Variants in LRBA observed in about 807,000 individuals in gnomAD.
LRBA encodes the protein LPS responsive beige-like anchor protein.
LRBA carries 176 observed loss-of-function variants against 330.0 expected under a neutral mutation model. The observed-to-expected ratio is 0.53, with a 90% confidence interval of 0.47 to 0.60. The LOEUF is 0.60. Among genes scored for constraint, LRBA ranks in the 20% least tolerant of loss-of-function variants. The pLI is 0.00. For missense variants in LRBA, 3,259 were observed against 3,444.8 expected (o/e 0.95, Z 1.35); for synonymous variants, 1,230 against 1,193.0 (o/e 1.03, Z -0.64).
intron 40 of LRBA, among the ~76,000 whole-genome samples, chr4:150,574,538 G>A (rs1770288361): frequency 6.6e-6 from 1 of 152,020 alleles, no homozygotes; most frequent in South Asian, 2.1e-4. Flanking sequence ...AGGTAACCAA[G>A]CCAGGACAAA....
chr4:150,935,464 A>C (rs1430926572), intron 2 of LRBA, among the ~76,000 whole-genome samples: 1 of 152,064 alleles, frequency 6.6e-6, no homozygotes, highest in Non-Finnish European at 1.5e-5. Context: ...AAGTAAAGAA[A>C]TTTTTTTCCA....
chr4:150,567,502 G>A (rs1421805474), intron 40 of LRBA, among the ~76,000 whole-genome samples: 7 of 152,002 alleles, frequency 4.6e-5, no homozygotes, highest in Non-Finnish European at 7.4e-5. Flanking sequence ...AAATCTGATG[G>A]CTTTAAAATA....
chr4:150,576,251 A>T (rs28660483), intron 40 of LRBA, among the ~76,000 whole-genome samples: 10 of 151,696 alleles, frequency 6.6e-5, no homozygotes, highest in African/African-American at 2.4e-4. Flanking sequence ...TTTTGCTTCA[A>T]CTTTTCAGAA....
At chr4:150,885,200 CA>C (rs34720483) in intron 17 of LRBA, among the ~76,000 whole-genome samples, 84,520 of 114,432 alleles carry the variant, frequency 0.74, 32,627 homozygotes, top group Non-Finnish European at 0.89. Flanking sequence ...ACAAGAGTTC[CA>C]AAAAAAAAAA....
At chr4:150,784,631 C>T (rs1279606586) in intron 34 of LRBA, among the ~76,000 whole-genome samples, 1 of 152,240 alleles carries the variant, frequency 6.6e-6, no homozygotes, top group Admixed American at 6.5e-5. Context: ...ATATACCTGA[C>T]TGGTATCCAC....
intron 37 of LRBA, among the ~76,000 whole-genome samples, chr4:150,677,822 GAAAAAGAA>G (rs1423535161): frequency 6.0e-5 from 3 of 50,142 alleles, no homozygotes; most frequent in Admixed American, 4.3e-4. Context: ...AAAAGAAAAA[GAAAAAGAA>G]AAAAGAAAAG....
intron 44 of LRBA, among the ~76,000 whole-genome samples, chr4:150,459,194 G>C (rs567330671): frequency 6.6e-6 from 1 of 151,770 alleles, no homozygotes; most frequent in Non-Finnish European, 1.5e-5. Flanking sequence ...GGGCTTTCAC[G>C]ACTTGGTACT....
chr4:150,701,954 T>C (rs954800401), intron 36 of LRBA, among the ~76,000 whole-genome samples: 4 of 152,198 alleles, frequency 2.6e-5, no homozygotes, highest in Non-Finnish European at 5.9e-5. Context: ...AAGTTGTCCT[T>C]GACTTTGACC....
intron 53 of LRBA, among the ~76,000 whole-genome samples, chr4:150,288,793 CTT>C (rs1216797652): frequency 2.8e-4 from 29 of 104,030 alleles, no homozygotes; most frequent in South Asian, 1.2e-3. Flanking sequence ...TGTGATTGTT[CTT>C]TTTTTTTTTT....
At chr4:150,831,110 C>T (rs1259348080) in intron 29 of LRBA, among the ~76,000 whole-genome samples, 2 of 151,952 alleles carry the variant, frequency 1.3e-5, no homozygotes, top group African/African-American at 4.8e-5. Context: ...GTACTCAAGA[C>T]CCTCCAATGA....
At chr4:150,485,365 A>G (rs1757749440) in intron 42 of LRBA, among the ~76,000 whole-genome samples, 1 of 151,980 alleles carries the variant, frequency 6.6e-6, no homozygotes, top group African/African-American at 2.4e-5. Flanking sequence ...TCCTCTGATA[A>G]TATAATGCTT....
At chr4:150,727,937 T>C (rs1729922491) in intron 36 of LRBA, among the ~76,000 whole-genome samples, 1 of 152,078 alleles carries the variant, frequency 6.6e-6, no homozygotes, top group Admixed American at 6.6e-5. Flanking sequence ...AGTTGGCTTC[T>C]TGAAAAGATA....
intron 35 of LRBA, among the ~76,000 whole-genome samples, chr4:150,754,251 GAATAAAATA>G (rs574293646): frequency 3.1e-3 from 476 of 151,810 alleles, no homozygotes; most frequent in Non-Finnish European, 5.1e-3. Context: ...CAAAACATAT[GAATAAAATA>G]AATAAGAAAC....
intron 2 of LRBA, chr4:151,012,667 A>C (rs965533914): frequency 2.6e-5 from 4 of 152,218 alleles, no homozygotes; most frequent in African/African-American, 9.6e-5. Context: ...ATTTTTGCAT[A>C]TATTTGAACA....
At chr4:151,008,824 T>C (rs1471711374) in intron 2 of LRBA, among the ~76,000 whole-genome samples, 1 of 150,168 alleles carries the variant, frequency 6.7e-6, no homozygotes, top group Non-Finnish European at 1.5e-5. Flanking sequence ...AATACAAAAA[T>C]TAGCCGGGCT....
At chr4:150,410,052 A>C (rs1746743861) in intron 47 of LRBA, among the ~76,000 whole-genome samples, 1 of 152,136 alleles carries the variant, frequency 6.6e-6, no homozygotes, top group Admixed American at 6.5e-5. Flanking sequence ...TAACAACAAA[A>C]AAAACAATTT....
intron 42 of LRBA, among the ~76,000 whole-genome samples, chr4:150,482,905 A>G (rs568975757): frequency 2.0e-5 from 3 of 152,102 alleles, no homozygotes; most frequent in Middle Eastern, 3.4e-3. Flanking sequence ...TTTCCTACAT[A>G]TCCTGGATGT....
intron 40 of LRBA, among the ~76,000 whole-genome samples, chr4:150,551,957 T>TG (rs746126479): frequency 2.0e-5 from 3 of 151,728 alleles, no homozygotes; most frequent in African/African-American, 7.3e-5. Flanking sequence ...CAAAGTGGGG[T>TG]GGGGGGTAGG....
intron 38 of LRBA, among the ~76,000 whole-genome samples, chr4:150,598,255 C>T (rs1773721305): frequency 1.3e-5 from 2 of 151,948 alleles, no homozygotes; most frequent in South Asian, 4.2e-4. Context: ...AGCATTTCCC[C>T]CTTAACCAAT....
Sources: gnomAD v4.1 joint callset for allele counts (sites outside exome capture counted in the v4.1 genomes callset) on GRCh38, gnomAD v4.1.1 for gene constraint, MANE v1.5 for transcripts, NCBI Gene and HGNC (gene_info 2026-07-23, HGNC 2026-07-21) for gene names.